STON2: variants seen among roughly 807,000 people sequenced by gnomAD.
STON2 encodes stonin-2.
A neutral mutation model predicts 65.7 loss-of-function variants in STON2; 29 were observed. The observed-to-expected ratio is 0.44, with a 90% CI of 0.33 to 0.60. STON2 has a LOEUF of 0.60. Among genes scored for constraint, STON2 ranks in the 20% least tolerant of loss-of-function variants. The pLI, the probability that STON2 is intolerant of heterozygous loss-of-function variation, is 0.03. For synonymous variants in STON2, 404 were observed against 414.2 expected, an observed-to-expected ratio of 0.98 and a Z score of 0.30; for missense variants, 1,054 against 1,118.1, an observed-to-expected ratio of 0.94 and a Z score of 0.82.
intron 6 of STON2, among the ~76,000 whole-genome samples, chr14:81,274,851 G>A (rs1894745251): frequency 6.6e-6 from 1 of 152,046 alleles, no homozygotes; most frequent in East Asian, 1.9e-4. Context: ...GTTGCAGTGA[G>A]CCAAGATCGC....
intron 2 of STON2, among the ~76,000 whole-genome samples, chr14:81,422,293 T>G (rs982206705): frequency 4.6e-5 from 7 of 152,140 alleles, no homozygotes; most frequent in African/African-American, 1.7e-4. Flanking sequence ...CACCTCCTCC[T>G]TTTTCTCTTG....
Position 81,304,223 on chromosome 14 carries a change from T to C in STON2, c.742+19794A>G, listed in dbSNP as rs993304022. On this transcript the variant is annotated intron_variant, in intron 5 of 7. Transcript: ENST00000614646. The stretch of plus-strand genomic sequence containing the variant: ...TTTAGATTCCCCCACACACCTATTA[T>C]GGAGGAGCCACTGTAAAGTGTATCT... 5.3e-5 allele frequency among the ~76,000 whole-genome samples: 8 copies of C among 152,328 alleles called. No individual in the cohort carries two copies. In the East Asian group the frequency reaches 1.4e-3, roughly 26 times the overall value.
chr14:81,376,062 T>C (rs1899237653), intron 3 of STON2, among the ~76,000 whole-genome samples: 1 of 151,904 alleles, frequency 6.6e-6, no homozygotes, highest in African/African-American at 2.4e-5. Flanking sequence ...TAAGAATATA[T>C]GTAAGCAGTA....
In STON2 at chr14:81,294,335, T is replaced by C. The variant is rs577845616; in HGVS notation, c.743-15596A>G. ...AGGACCCTTACCAGAAGAATTTCCA[T>C]CTTTGGCCTAGGTCAACCTAGGCAT... On this transcript the variant is annotated intron_variant, in intron 5 of 7. Coordinates refer to ENST00000614646, the MANE Select transcript of STON2 (RefSeq NM_001394390.1). Among the ~76,000 whole-genome samples, 4 of 152,304 alleles carry C rather than the reference T, an allele frequency of 2.6e-5. No homozygotes were observed. The South Asian group carries it at 8.3e-4, about 32-fold the overall frequency.
In STON2 at chr14:81,362,337, A is replaced by G. The variant is rs987185781; in HGVS notation, c.571+8651T>C. 2.5e-4 allele frequency among the ~76,000 whole-genome samples: 38 copies of G among 152,336 alleles called. 1 individual carries two copies. The highest frequency in any genetic ancestry group is 3.4e-3 in the Middle Eastern group (1 of 294). On this transcript the variant is annotated intron_variant, in intron 4 of 7. Coordinates refer to ENST00000614646, the MANE Select transcript of STON2 (RefSeq NM_001394390.1). ...AAAATATTTGGTAATTTGCAACAAC[A>G]TGGATGGACTTGGATAACACTATGG...
Position 81,270,676 on chromosome 14 carries a change from G to C in STON2, c.2778C>G (p.Ser926Arg), listed in dbSNP as rs751810977. The change falls in exon 7 of 8, where the codon AGC becomes AGG. Residue 926 changes from serine (S) to arginine (R), a missense_variant. Physicochemically the swap from Ser to Arg is moderately radical, Grantham distance 110 (BLOSUM62 -1). Transcript: ENST00000614646. The stretch of plus-strand genomic sequence containing the variant: ...AGATGCTTCCCAAGGCTACCTGGTA[G>C]CTGTAGTGTGCAGAATAATTGACCC... ...RKWVNYSAHYSYQVEIEQKKS... is the reference protein window; with the variant it reads ...RKWVNYSAHYRYQVEIEQKKS... 6.2e-7 allele frequency: 1 copy of C among 1,614,204 alleles called. No individual in the cohort carries two copies. Among genetic ancestry groups the C allele is most frequent in the Non-Finnish European group, 8.5e-7 (1 of 1,180,044 alleles).
chr14:81,311,913 G>C (rs1432653999), intron 5 of STON2, among the ~76,000 whole-genome samples: 2 of 152,174 alleles, frequency 1.3e-5, no homozygotes, highest in African/African-American at 4.8e-5. Flanking sequence ...AGACATGTGA[G>C]CCTTATGGTT....
intron 3 of STON2, among the ~76,000 whole-genome samples, chr14:81,384,123 G>A (rs927419723): frequency 3.3e-5 from 5 of 151,982 alleles, no homozygotes; most frequent in South Asian, 2.1e-4. Context: ...CTCTCAAACA[G>A]TCACTCCCTG....
Position 81,327,555 on chromosome 14 carries a change from A to C in STON2, c.572-3368T>G, listed in dbSNP as rs539098356. Among the ~76,000 whole-genome samples the C allele has an allele frequency of 5.3e-5, 8 of 152,272 alleles. No homozygotes were observed. The South Asian group carries it at 1.5e-3, about 28-fold the overall frequency. ...CAACTGGCGTTTGATAAGTTCTGGT[A>C]TTTGTGCACTTAGCAACCACTGAGA... On this transcript the variant is annotated intron_variant, in intron 4 of 7. Transcript: ENST00000614646.
intron 5 of STON2, among the ~76,000 whole-genome samples, chr14:81,305,562 T>C (rs1006933268): frequency 3.3e-5 from 5 of 152,220 alleles, no homozygotes; most frequent in African/African-American, 1.2e-4. Context: ...GCTGTCTTCT[T>C]GTTGATCTAT....
chr14:81,291,854 T>G (rs1895567265), intron 5 of STON2, among the ~76,000 whole-genome samples: 1 of 129,872 alleles, frequency 7.7e-6, no homozygotes, highest in Non-Finnish European at 1.6e-5. Flanking sequence ...ATACTTAGCA[T>G]GGGTACACAC....
intron 7 of STON2, chr14:81,269,584 A>C (rs1298880698): frequency 1.0e-6 from 1 of 985,304 alleles, no homozygotes; most frequent in African/African-American, 1.7e-5. Context: ...GGTTTGAGGG[A>C]GGTGCTATTT....
intron 4 of STON2, among the ~76,000 whole-genome samples, chr14:81,368,574 C>A (rs1008537966): frequency 6.6e-6 from 1 of 152,020 alleles, no homozygotes; most frequent in Non-Finnish European, 1.5e-5. Context: ...ATTAGCCAGG[C>A]GCGGTGGCAC....
At chr14:81,434,514 C>T (rs542145656) in intron 1 of STON2, among the ~76,000 whole-genome samples, 1 of 152,318 alleles carries the variant, frequency 6.6e-6, no homozygotes, top group South Asian at 2.1e-4. Flanking sequence ...TCAATGTATT[C>T]ATTCTAAGGC....
rs538382735 is a variant in STON2 at position 81,285,136 on chromosome 14, G to A, written c.743-6397C>T. Among the ~76,000 whole-genome samples the A allele has an allele frequency of 5.9e-5, 9 of 152,274 alleles. No homozygotes were observed. In the East Asian group the frequency reaches 9.7e-4, roughly 16 times the overall value. ...ACACAACATCCATTCTCTATCCCATGGATCAAGGAGTAATTGTGATTTTCA... is the reference window on the plus strand; with the variant it reads ...ACACAACATCCATTCTCTATCCCATAGATCAAGGAGTAATTGTGATTTTCA... On this transcript the variant is annotated intron_variant, in intron 5 of 7. Coordinates refer to ENST00000614646, the MANE Select transcript of STON2 (RefSeq NM_001394390.1).
chr14:81,297,913 T>C (rs920577330), intron 5 of STON2, among the ~76,000 whole-genome samples: 2 of 152,190 alleles, frequency 1.3e-5, no homozygotes, highest in Admixed American at 6.5e-5. Context: ...GGCGCATGCC[T>C]GTACTCCCAG....
chr14:81,343,495 C>T (rs1897695661), intron 4 of STON2, among the ~76,000 whole-genome samples: 1 of 151,828 alleles, frequency 6.6e-6, no homozygotes, highest in Admixed American at 6.6e-5. Context: ...AATTCTGCAG[C>T]AAAATGCCAC....
At chr14:81,416,979 A>C (rs1392779686) in intron 2 of STON2, among the ~76,000 whole-genome samples, 1 of 152,212 alleles carries the variant, frequency 6.6e-6, no homozygotes, top group Non-Finnish European at 1.5e-5. Context: ...CTCAATGCAG[A>C]TCTGTCTAGA....
At chr14:81,419,650 A>T (rs545346240) in intron 2 of STON2, among the ~76,000 whole-genome samples, 8 of 152,296 alleles carry the variant, frequency 5.3e-5, no homozygotes, top group Admixed American at 2.0e-4. Context: ...TGCTGCATCC[A>T]CGCTCTAGAG....
Sources: allele counts gnomAD v4.1 joint callset (sites outside exome capture counted in the v4.1 genomes callset), GRCh38; gene constraint gnomAD v4.1.1; transcripts MANE v1.5; gene names NCBI Gene and HGNC (gene_info 2026-07-23, HGNC 2026-07-21).